POTEM: variants seen among roughly 807,000 people sequenced by gnomAD.
The protein encoded by POTEM is putative POTE ankyrin domain family member M.
For synonymous variants in POTEM, 8 were observed against 113.2 expected, an observed-to-expected ratio of 0.07 and a Z score of 5.90; for missense variants, 24 against 343.0, an observed-to-expected ratio of 0.07 and a Z score of 7.35.
chr14:18,999,597 A>G lies in POTEM; in HGVS notation c.*932A>G, dbSNP rs533067570. Among the ~76,000 whole-genome samples the G allele has an allele frequency of 0.2, 12,846 of 63,738 alleles. 232 individuals are homozygous for G. Among genetic ancestry groups the G allele is most frequent in the South Asian group, 0.29 (572 of 1,982 alleles). The allele number at this position is 63,738 out of a possible 152,430, so 41.8% of individuals were successfully genotyped here. ...CCTAGAGAACAGCTATGAGCTGCCC[A>G]ACGGCCAGGTCATCACCATTAGCAA... On this transcript the variant is annotated 3_prime_UTR_variant, in exon 11 of 11. Coordinates refer to ENST00000547889, the MANE Select transcript of POTEM (RefSeq NM_001145442.1).
intron 1 of POTEM, among the ~76,000 whole-genome samples, chr14:18,969,334 C>CAT (rs1491234899): frequency 2.0e-5 from 2 of 99,486 alleles, no homozygotes; most frequent in South Asian, 6.4e-4. Context: ...TATATATATA[C>CAT]GTATATACAT....
chr14:18,992,891 C>T (rs1398594021), intron 9 of POTEM, among the ~76,000 whole-genome samples: 1 of 61,408 alleles, frequency 1.6e-5, no homozygotes, highest in East Asian at 3.5e-4. Context: ...GAATTGCAAA[C>T]TTTACTGGTA....
intron 6 of POTEM, among the ~76,000 whole-genome samples, chr14:18,981,499 CAT>C (rs1443336867): frequency 7.0e-6 from 1 of 142,374 alleles, no homozygotes; most frequent in Non-Finnish European, 1.6e-5. Flanking sequence ...ATGTGCCAGA[CAT>C]ATGTGATGAG....
At chr14:18,997,281 C>CA in intron 10 of POTEM, 122 bp downstream of exon 10, 1 of 306,702 alleles carries the variant, frequency 3.3e-6, no homozygotes, top group Non-Finnish European at 5.6e-6. Flanking sequence ...TATCCTTTGT[C>CA]ATGTATCTAT....
rs1891341028 is a variant in POTEM, at chr14:18,999,366, G to A, written c.*701G>A. ...GGTCACCCACACTGTGCCCATCTAT[G>A]AGGGGAATGCCCTCCCCCATGCCAC... On this transcript the variant is annotated 3_prime_UTR_variant, in exon 11 of 11. Coordinates refer to ENST00000547889, the MANE Select transcript of POTEM (RefSeq NM_001145442.1). Among the ~76,000 whole-genome samples, 2 of 134,088 alleles carry A rather than the reference G, an allele frequency of 1.5e-5. No homozygotes were observed. The highest frequency in any genetic ancestry group is 2.4e-4 in the South Asian group (1 of 4,158). 88.0% of individuals were successfully genotyped at this position (134,088 alleles called of 152,430 possible).
rs1891427884 is a variant in POTEM at position 19,003,500 on chromosome 14, C to CT, written c.*4836dup. On this transcript the variant is annotated 3_prime_UTR_variant, in exon 11 of 11. Coordinates refer to ENST00000547889, the MANE Select transcript of POTEM (RefSeq NM_001145442.1). The stretch of plus-strand genomic sequence containing the variant: ...AAGGTGGTCCTGACCTTTGATAAAT[C>CT]TCATTGCTTGATACCAACCTGGGCT... 7.2e-6 allele frequency among the ~76,000 whole-genome samples: 1 copy of CT among 138,836 alleles called. No homozygotes were observed. The highest frequency in any genetic ancestry group is 1.6e-5 in the Non-Finnish European group (1 of 63,138). The allele number at this position is 138,836 out of a possible 152,430, so 91.1% of individuals were successfully genotyped here.
chr14:18,981,144 TGTAA>T (rs1243707919), intron 6 of POTEM, among the ~76,000 whole-genome samples: 1 of 151,316 alleles, frequency 6.6e-6, no homozygotes, highest in Admixed American at 6.6e-5. Flanking sequence ...AAAGAGCTTC[TGTAA>T]GTTAGGTTTT....
chr14:18,985,766 G>GT (rs1192458811), intron 7 of POTEM, among the ~76,000 whole-genome samples: 2 of 143,958 alleles, frequency 1.4e-5, no homozygotes, highest in African/African-American at 5.4e-5. Flanking sequence ...TTAGCCGGGT[G>GT]TGGTGGTGGG....
chr14:18,969,200 A>G (rs1283563741), intron 1 of POTEM, among the ~76,000 whole-genome samples: 23 of 133,734 alleles, frequency 1.7e-4, no homozygotes, highest in African/African-American at 6.9e-4. Flanking sequence ...AAATCAGAGT[A>G]TAGATTAAAA....
chr14:18,971,906 C>CTTGT (rs1890883168), intron 1 of POTEM, among the ~76,000 whole-genome samples: 2 of 98,490 alleles, frequency 2.0e-5, no homozygotes, highest in East Asian at 4.8e-4. Context: ...TTTTGTTTGG[C>CTTGT]TTAAAGTTTA....
intron 6 of POTEM, among the ~76,000 whole-genome samples, chr14:18,982,200 G>A (rs1891100107): frequency 6.7e-6 from 1 of 149,524 alleles, no homozygotes; most frequent in African/African-American, 2.5e-5. Flanking sequence ...CAATAGACTT[G>A]TGTTTCTTCT....
At chr14:18,969,200 A>T (rs1283563741) in intron 1 of POTEM, among the ~76,000 whole-genome samples, 7 of 133,748 alleles carry the variant, frequency 5.2e-5, no homozygotes, top group Non-Finnish European at 9.4e-5. Context: ...AAATCAGAGT[A>T]TAGATTAAAA....
intron 6 of POTEM, among the ~76,000 whole-genome samples, chr14:18,982,751 G>GT (rs58175667): frequency 2.6e-3 from 125 of 48,670 alleles, no homozygotes; most frequent in African/African-American, 6.4e-3. Context: ...CTTTGTTTTT[G>GT]TTTTTTTTTT....
At chr14:18,986,078 C>A (rs371834398) in intron 7 of POTEM, among the ~76,000 whole-genome samples, 4,224 of 118,988 alleles carry the variant, frequency 0.035, no homozygotes, top group African/African-American at 0.042. Flanking sequence ...TTCTTATCTG[C>A]CTTCTTGATT....
intron 7 of POTEM, among the ~76,000 whole-genome samples, chr14:18,985,920 AAAAAAAAAAT>A (rs1891172017): frequency 1.5e-5 from 2 of 129,938 alleles, no homozygotes; most frequent in Non-Finnish European, 3.2e-5. Flanking sequence ...AAAAAAAAAA[AAAAAAAAAAT>A]ATTTTAATAG....
chr14:18,991,159 C>G (rs375385046), intron 9 of POTEM, among the ~76,000 whole-genome samples: 2 of 131,924 alleles, frequency 1.5e-5, no homozygotes, highest in Admixed American at 8.0e-5. Flanking sequence ...GTTGGGATTA[C>G]AGGCATGAGC....
chr14:18,969,328 TATATAC>T (rs1329541055), intron 1 of POTEM, among the ~76,000 whole-genome samples: 3 of 126,446 alleles, frequency 2.4e-5, no homozygotes, highest in Non-Finnish European at 4.8e-5. Context: ...TATATATATA[TATATAC>T]GTATATACAT....
At chr14:18,968,808 G>A (rs866907921) in intron 1 of POTEM, among the ~76,000 whole-genome samples, 764 of 148,998 alleles carry the variant, frequency 5.1e-3, no homozygotes, top group African/African-American at 0.018. Flanking sequence ...GGGAGACAGA[G>A]CAAGACTCCG....
chr14:18,986,059 T>G (rs1891175443), intron 7 of POTEM, among the ~76,000 whole-genome samples: 1 of 121,148 alleles, frequency 8.3e-6, no homozygotes, highest in South Asian at 2.6e-4. Flanking sequence ...ATACTCTTAT[T>G]TTAAAATATT....
Sources: allele counts gnomAD v4.1 joint callset (sites outside exome capture counted in the v4.1 genomes callset), GRCh38; gene constraint gnomAD v4.1.1; transcripts MANE v1.5; gene names NCBI Gene and HGNC (gene_info 2026-07-23, HGNC 2026-07-21).